Variants in MYT1L observed in about 807,000 individuals in gnomAD.
MYT1L encodes the protein myelin transcription factor 1 like, also known as myelin transcription factor 1-like protein.
Under a neutral mutation model 126.7 loss-of-function variants are expected in MYT1L, and 12 were observed. That is an observed-to-expected ratio of 0.09 (90% confidence interval 0.06 to 0.15). MYT1L has a LOEUF of 0.15. Ranked by LOEUF, MYT1L falls within the 10% of genes least tolerant of loss-of-function variation. The probability of loss-of-function intolerance (pLI) is 1.00; values close to 1 mark genes in which losing one functional copy is unlikely to be tolerated. For synonymous variants in MYT1L, 541 were observed against 604.2 expected (o/e 0.90, Z 1.53); for missense variants, 979 against 1,585.2 (o/e 0.62, Z 6.49).
intron 5 of MYT1L, among the ~76,000 whole-genome samples, chr2:1,991,373 C>T (rs1422350547): frequency 3.3e-5 from 5 of 152,070 alleles, no homozygotes; most frequent in South Asian, 2.1e-4. Flanking sequence ...CATGGCTCGC[C>T]GCAGCCTTGG....
chr2:2,245,669 C>T (rs569980542), intron 2 of MYT1L, among the ~76,000 whole-genome samples: 5 of 151,930 alleles, frequency 3.3e-5, no homozygotes, highest in African/African-American at 1.2e-4. Context: ...GAGCTGAGGA[C>T]GGTCTACCTC....
rs750981054 is a variant in MYT1L, at chr2:2,125,861, T to C, written c.-304+47011A>G. Among the ~76,000 whole-genome samples the C allele has an allele frequency of 5.3e-5, 8 of 152,356 alleles. No individual in the cohort carries two copies. In the South Asian group the frequency reaches 6.2e-4, roughly 12 times the overall value. On this transcript the variant is annotated intron_variant, in intron 3 of 24. Coordinates refer to ENST00000647738, the MANE Select transcript of MYT1L (RefSeq NM_001303052.2). ...AGTCCATTGAAGAACTGTATTTCCATTAACTTTTCAAACACACCAAGAGAT... is the reference window on the plus strand; with the variant it reads ...AGTCCATTGAAGAACTGTATTTCCACTAACTTTTCAAACACACCAAGAGAT...
Position 1,910,373 on chromosome 2 carries a change from T to C in MYT1L, c.1710-26A>G. 1.3e-6 allele frequency: 2 copies of C among 1,582,520 alleles called. No homozygotes were observed. The highest frequency in any genetic ancestry group is 1.7e-6 in the Non-Finnish European group (2 of 1,158,748). ...CTGCAATCACAGAAAGCGGGTTGAA[T>C]GGTCCCGCCTCAAACACCTTCACAG... On this transcript the variant is annotated intron_variant, in intron 12 of 24. Transcript: ENST00000647738. This position sits in a 1 kb window ranked among gnomAD's most constrained non-coding sequence, Gnocchi z 4.8.
At chr2:1,830,646 G>T (rs1237206468) in intron 21 of MYT1L, among the ~76,000 whole-genome samples, 1 of 152,192 alleles carries the variant, frequency 6.6e-6, no homozygotes, top group Non-Finnish European at 1.5e-5. Context: ...GGGCTCACAG[G>T]TGTGAAACAC....
At chr2:1,936,987 CA>C (rs2055978737) in intron 9 of MYT1L, among the ~76,000 whole-genome samples, 1 of 152,176 alleles carries the variant, frequency 6.6e-6, no homozygotes, top group Admixed American at 6.5e-5. Context: ...ATTTTTATAG[CA>C]TGAGTTCTGC....
At chr2:1,839,115 T>A (rs1572723087) in intron 21 of MYT1L, 34 bp downstream of exon 21, 1 of 1,566,844 alleles carries the variant, frequency 6.4e-7, no homozygotes, top group Non-Finnish European at 8.7e-7. Context: ...GGCGGCACCA[T>A]CCCAGCCAGG....
chr2:2,018,858 G>A (rs2064724575), intron 4 of MYT1L, among the ~76,000 whole-genome samples: 1 of 152,160 alleles, frequency 6.6e-6, no homozygotes, highest in Admixed American at 6.5e-5. Context: ...GTTCCAGAGA[G>A]AGAACGCCTC....
intron 1 of MYT1L, among the ~76,000 whole-genome samples, chr2:2,327,312 G>A (rs529807864): frequency 6.6e-6 from 1 of 152,120 alleles, no homozygotes; most frequent in African/African-American, 2.4e-5. Flanking sequence ...CTTCAGTTTT[G>A]TTTGGAAGAA....
intron 4 of MYT1L, among the ~76,000 whole-genome samples, chr2:2,044,954 G>A (rs994970589): frequency 1.3e-5 from 2 of 152,158 alleles, no homozygotes; most frequent in Admixed American, 6.5e-5. Context: ...GGATATCTGT[G>A]CTTGCAAGGA....
intron 2 of MYT1L, among the ~76,000 whole-genome samples, chr2:2,280,444 G>A (rs959584011): frequency 1.3e-5 from 2 of 152,180 alleles, no homozygotes; most frequent in African/African-American, 4.8e-5. Context: ...AAGAGTAAAG[G>A]TGTTCACCTG....
chr2:2,013,087 C>G (rs1290286611), intron 4 of MYT1L, among the ~76,000 whole-genome samples: 1 of 152,148 alleles, frequency 6.6e-6, no homozygotes, highest in Non-Finnish European at 1.5e-5. Flanking sequence ...ACACGCGATT[C>G]TAGAACCCAC....
At chr2:2,003,700 G>A (rs1047181004) in intron 4 of MYT1L, among the ~76,000 whole-genome samples, 9 of 152,290 alleles carry the variant, frequency 5.9e-5, no homozygotes, top group Middle Eastern at 3.4e-3. Context: ...CCCTGGTGTG[G>A]GGCCCATGGG....
rs1558288615 is a variant in MYT1L, at chr2:1,889,501, CTG to C, written c.2284-26_2284-25del. 3 of 1,553,118 alleles carry C rather than the reference CTG, an allele frequency of 1.9e-6. No homozygotes were observed. The highest frequency in any genetic ancestry group is 2.6e-6 in the Non-Finnish European group (3 of 1,144,462). ...TTCTGTCGGTAGAAAGACATAGTGA[CTG>C]TGCTTGGCCCGGCATCTTGTGACAC... On this transcript the variant is annotated intron_variant, in intron 15 of 24. Transcript: ENST00000647738. This position sits in a 1 kb window ranked among gnomAD's most constrained non-coding sequence, Gnocchi z 4.1.
At chr2:1,853,111 C>T (rs2043483463) in intron 18 of MYT1L, among the ~76,000 whole-genome samples, 1 of 152,178 alleles carries the variant, frequency 6.6e-6, no homozygotes, top group Non-Finnish European at 1.5e-5. Flanking sequence ...GGGAACAGAA[C>T]TCTAGATCTC....
intron 2 of MYT1L, among the ~76,000 whole-genome samples, chr2:2,230,989 G>A (rs532098459): frequency 1.1e-4 from 17 of 152,256 alleles, no homozygotes; most frequent in Admixed American, 6.5e-4. Flanking sequence ...CAGACCACAC[G>A]ACCATCAGGG....
At chr2:2,255,163 G>A (rs910566626) in intron 2 of MYT1L, among the ~76,000 whole-genome samples, 1 of 152,176 alleles carries the variant, frequency 6.6e-6, no homozygotes, top group Non-Finnish European at 1.5e-5. Context: ...TTTCCTAAAT[G>A]TAGGAAGTGA....
chr2:1,820,970 G>C lies in MYT1L; in HGVS notation c.3081-11803C>G, dbSNP rs192516184. 3.9e-5 allele frequency among the ~76,000 whole-genome samples: 6 copies of C among 152,272 alleles called. No homozygotes were observed. The East Asian group carries it at 1.2e-3, about 29-fold the overall frequency. On this transcript the variant is annotated intron_variant, in intron 21 of 24. Coordinates refer to ENST00000647738, the MANE Select transcript of MYT1L (RefSeq NM_001303052.2). ...AAGAAGAAATTCTCCCTGTGGAATG[G>C]AACTTCTCCTGAACAAGAGTTTCTA...
intron 8 of MYT1L, among the ~76,000 whole-genome samples, chr2:1,952,865 T>C (rs111956521): frequency 4.0e-3 from 207 of 51,520 alleles, no homozygotes; most frequent in African/African-American, 0.012. Context: ...TACCTCCTTC[T>C]TTCCCTTCCC....
chr2:2,169,761 C>T (rs1453750779), intron 3 of MYT1L, among the ~76,000 whole-genome samples: 1 of 152,140 alleles, frequency 6.6e-6, no homozygotes, highest in Non-Finnish European at 1.5e-5. Flanking sequence ...CCCGGCTCTG[C>T]CCCACGGACT....
Sources: gnomAD v4.1 joint callset for allele counts (sites outside exome capture counted in the v4.1 genomes callset) on GRCh38, gnomAD v4.1.1 for gene constraint, Gnocchi (gnomAD v3.1) non-coding constraint, MANE v1.5 for transcripts, NCBI Gene and HGNC (gene_info 2026-07-23, HGNC 2026-07-21) for gene names.